IL7: variants seen among roughly 807,000 people sequenced by gnomAD.
IL7 encodes interleukin-7.
A neutral mutation model predicts 21.6 loss-of-function variants in IL7; 3 were observed. The ratio of observed to expected loss-of-function variants is 0.14; its 90% CI spans 0.06 to 0.36. The LOEUF (loss-of-function observed/expected upper bound fraction) is 0.36. Among genes scored for constraint, IL7 ranks in the 10% least tolerant of loss-of-function variants. IL7 has a pLI of 1.00. For missense variants in IL7, 175 were observed against 200.2 expected, an observed-to-expected ratio of 0.87 and a Z score of 0.76; for synonymous variants, 62 against 68.1, an observed-to-expected ratio of 0.91 and a Z score of 0.44.
chr8:78,675,874 T>C (rs745356965), exon 5 of IL7: 1 of 1,604,322 alleles, frequency 6.2e-7, no homozygotes, highest in East Asian at 2.2e-5. Flanking sequence ...GTGAGTAGAC[T>C]GATTTTGTAC....
intron 3 of IL7, among the ~76,000 whole-genome samples, chr8:78,708,064 A>G (rs182165877): frequency 3.5e-4 from 53 of 152,324 alleles, no homozygotes; most frequent in East Asian, 2.1e-3. Flanking sequence ...TCACAGAATT[A>G]TCATCTGGTA....
intron 2 of IL7, among the ~76,000 whole-genome samples, chr8:78,755,506 G>A (rs1005735384): frequency 1.3e-5 from 2 of 151,868 alleles, no homozygotes; most frequent in African/African-American, 4.8e-5. Context: ...TCTTTCATTA[G>A]TGTTTTGTAG....
exon 5 of IL7, chr8:78,675,927 C>A: frequency 7.1e-7 from 1 of 1,408,974 alleles, no homozygotes; most frequent in South Asian, 1.2e-5. Context: ...TAATTCTGGT[C>A]AATTCTCATG....
At chr8:78,734,624 T>C (rs1354687921) in intron 5 of IL7, among the ~76,000 whole-genome samples, 2 of 152,278 alleles carry the variant, frequency 1.3e-5, no homozygotes, top group Non-Finnish European at 2.9e-5. Context: ...ACTTCAGGGT[T>C]AAAATCAACA....
In IL7 at chr8:78,805,315, C is replaced by G. The variant is rs1312260899; in HGVS notation, c.-393G>C. The G allele has an allele frequency of 5.7e-6, 1 of 176,178 alleles. No homozygotes were observed. Among genetic ancestry groups the G allele is most frequent in the Non-Finnish European group, 1.2e-5 (1 of 83,678 alleles). 10.9% of individuals were successfully genotyped at this position (176,178 alleles called of 1,614,324 possible). A position where few individuals can be genotyped will look rare whatever the true frequency, so the allele number is the denominator to read the frequency against. On this transcript the variant is annotated 5_prime_UTR_variant, in exon 1 of 6. Coordinates refer to ENST00000263851, the MANE Select transcript of IL7 (RefSeq NM_000880.4). ...GAGGACCAGAGGAATTCGCGAATTT[C>G]CGAATCACCGCAGGAAAAACCAGCT... is the stretch of plus-strand genomic sequence containing the variant.
intron 2 of IL7, among the ~76,000 whole-genome samples, chr8:78,780,179 C>T (rs1436403992): frequency 6.6e-6 from 1 of 151,770 alleles, no homozygotes; most frequent in Non-Finnish European, 1.5e-5. Context: ...TTTCAAAAAC[C>T]AGCTTCTGGA....
chr8:78,739,545 A>G (rs1471276711), intron 3 of IL7, among the ~76,000 whole-genome samples: 1 of 152,070 alleles, frequency 6.6e-6, no homozygotes, highest in East Asian at 1.9e-4. Flanking sequence ...TACAAAAATT[A>G]GTTGGGTGTG....
rs200030259 is a variant in IL7 at position 78,761,104 on chromosome 8, C to T, written c.148-21022G>A. ...CATCTAAACATAAAACAAGTGCTTG[C>T]AGGAGTTCCACTAAAATTTCAAAAG... On this transcript the variant is annotated intron_variant, in intron 2 of 5. Coordinates refer to ENST00000263851, the MANE Select transcript of IL7 (RefSeq NM_000880.4). The T allele has an allele frequency of 2.0e-3, 3,257 of 1,593,474 alleles. 99 individuals are homozygous for T. The South Asian group carries it at 0.034, about 17-fold the overall frequency.
rs149954079 is a variant in IL7 at position 78,789,155 on chromosome 8, A to T, written c.147+8917T>A. On this transcript the variant is annotated intron_variant, in intron 2 of 5. Transcript: ENST00000263851. ...TTAGGCAACGTAAAGTAGGGTTTTT[A>T]AAATCTACTCAGGCAGTCTCTATCT... Among the ~76,000 whole-genome samples the T allele has an allele frequency of 6.1e-3, 932 of 152,210 alleles. 9 individuals are homozygous for T. Among genetic ancestry groups the T allele is most frequent in the African/African-American group, 0.021 (852 of 41,550 alleles).
intron 2 of IL7, among the ~76,000 whole-genome samples, chr8:78,779,120 T>G (rs912338957): frequency 3.9e-5 from 6 of 152,246 alleles, no homozygotes; most frequent in Non-Finnish European, 7.3e-5. Flanking sequence ...CTGAAGTTGC[T>G]TATCAGCTTA....
chr8:78,716,068 G>A (rs1212420721), downstream of IL7, among the ~76,000 whole-genome samples: 3 of 149,748 alleles, frequency 2.0e-5, no homozygotes, highest in Admixed American at 6.7e-5. Flanking sequence ...CTGTTATAGT[G>A]TATAGTTCAT....
intron 2 of IL7, chr8:78,762,325 C>A: frequency 1.2e-6 from 2 of 1,607,912 alleles, no homozygotes; most frequent in South Asian, 1.1e-5. Context: ...AGTTCTCCAC[C>A]CACTTCTGGC....
At chr8:78,755,023 G>A (rs961475190) in intron 2 of IL7, among the ~76,000 whole-genome samples, 1 of 152,038 alleles carries the variant, frequency 6.6e-6, no homozygotes, top group African/African-American at 2.4e-5. Context: ...GTGAGAGATA[G>A]GGGTCTAGTT....
At chr8:78,731,944 A>AT (rs949892731), downstream of IL7, among the ~76,000 whole-genome samples, 8 of 152,088 alleles carry the variant, frequency 5.3e-5, no homozygotes, top group African/African-American at 1.2e-4. Context: ...GAGAGAATAT[A>AT]TTTTTTTAAC....
chr8:78,689,440 T>A (rs1050935760), intron 3 of IL7: 10 of 1,426,088 alleles, frequency 7.0e-6, no homozygotes, highest in Non-Finnish European at 8.4e-6. Context: ...GATTATTGTT[T>A]ATGCTTTTCA....
intron 2 of IL7, chr8:78,747,083 T>C (rs962152862): frequency 6.4e-5 from 29 of 456,582 alleles, no homozygotes; most frequent in Non-Finnish European, 1.1e-4. Context: ...TTCTTTCTTT[T>C]TGTAGGGCTG....
downstream of IL7, among the ~76,000 whole-genome samples, chr8:78,713,458 A>G (rs1046332640): frequency 6.0e-5 from 9 of 151,118 alleles, no homozygotes; most frequent in African/African-American, 2.2e-4. Context: ...AGACGATTCT[A>G]TAGCCAAAAA....
chr8:78,699,986 T>C (rs1423552117), intron 3 of IL7, among the ~76,000 whole-genome samples: 1 of 152,176 alleles, frequency 6.6e-6, no homozygotes, highest in Non-Finnish European at 1.5e-5. Context: ...TACTCAGTAA[T>C]GGGATTGCTG....
chr8:78,754,966 T>A (rs1397932779), intron 2 of IL7, among the ~76,000 whole-genome samples: 1 of 152,116 alleles, frequency 6.6e-6, no homozygotes, highest in African/African-American at 2.4e-5. Flanking sequence ...TATTTCTGGG[T>A]TTCATGTTTA....
Sources: allele counts gnomAD v4.1 joint callset (sites outside exome capture counted in the v4.1 genomes callset), GRCh38; gene constraint gnomAD v4.1.1; transcripts MANE v1.5; gene names NCBI Gene and HGNC (gene_info 2026-07-23, HGNC 2026-07-21).